Variants in ENOX1 observed in about 807,000 individuals in gnomAD.
The protein encoded by ENOX1 is candidate growth-related and time keeping constitutive hydroquinone (NADH) oxidase.
In ENOX1, 42 loss-of-function variants were observed where a neutral mutation model predicts 82.5. The observed-to-expected ratio is 0.51, with a 90% CI of 0.40 to 0.66. The LOEUF (loss-of-function observed/expected upper bound fraction) is 0.66. ENOX1 is among the 30% of genes least tolerant of loss of function. The pLI is 0.00. For missense variants in ENOX1, 608 were observed against 811.6 expected (o/e 0.75, Z 3.05); for synonymous variants, 271 against 282.2 (o/e 0.96, Z 0.40).
At chr13:43,685,873 AACACACACACACACACACAC>A (rs60259011) in intron 1 of ENOX1, among the ~76,000 whole-genome samples, 2 of 141,422 alleles carry the variant, frequency 1.4e-5, no homozygotes, top group Non-Finnish European at 3.1e-5. Flanking sequence ...CCCAGAAGGA[AACACACACACACACACACAC>A]ACACACACAC....
intron 16 of ENOX1, 31 bp from the exon 17 acceptor site, chr13:43,214,152 G>T: frequency 6.2e-7 from 1 of 1,606,654 alleles, no homozygotes; most frequent in Non-Finnish European, 8.5e-7. Flanking sequence ...TCACTTTGGG[G>T]AAAGGAACTC....
chr13:43,478,069 T>TTG (rs1225711445), intron 3 of ENOX1, among the ~76,000 whole-genome samples: 63 of 150,082 alleles, frequency 4.2e-4, no homozygotes, highest in Non-Finnish European at 7.8e-4. Flanking sequence ...TTTTTTTTTT[T>TTG]TTTTTTTTTT....
chr13:43,431,622 C>G (rs1044278098), intron 3 of ENOX1, among the ~76,000 whole-genome samples: 1 of 152,130 alleles, frequency 6.6e-6, no homozygotes, highest in Non-Finnish European at 1.5e-5. Flanking sequence ...GTGCCTAGTA[C>G]TTAGTAGACA....
At chr13:43,524,782 T>A (rs1466064134) in intron 2 of ENOX1, among the ~76,000 whole-genome samples, 1 of 152,092 alleles carries the variant, frequency 6.6e-6, no homozygotes, top group Non-Finnish European at 1.5e-5. Context: ...CAAAGAGTGC[T>A]TCTACAACTC....
intron 3 of ENOX1, among the ~76,000 whole-genome samples, chr13:43,471,579 G>C (rs1048171259): frequency 2.0e-4 from 31 of 152,142 alleles, no homozygotes; most frequent in Non-Finnish European, 4.3e-4. Context: ...GGGAGGTCAA[G>C]GTGGGAGGAT....
chr13:43,315,337 G>A (rs1017964545), intron 11 of ENOX1, among the ~76,000 whole-genome samples: 1 of 152,196 alleles, frequency 6.6e-6, no homozygotes, highest in Admixed American at 6.5e-5. Flanking sequence ...TCACAGGTGA[G>A]CATTTGACAA....
chr13:43,549,673 A>G (rs2153698827), intron 2 of ENOX1, among the ~76,000 whole-genome samples: 1 of 152,318 alleles, frequency 6.6e-6, no homozygotes, highest in Non-Finnish European at 1.5e-5. Context: ...TAGATTCTAG[A>G]GGATACTCCT....
At chr13:43,551,385 A>T (rs2079189316) in intron 2 of ENOX1, among the ~76,000 whole-genome samples, 1 of 152,168 alleles carries the variant, frequency 6.6e-6, no homozygotes, top group Non-Finnish European at 1.5e-5. Flanking sequence ...TTTGATCACG[A>T]TGTATTATCT....
intron 1 of ENOX1, among the ~76,000 whole-genome samples, chr13:43,740,480 A>AT (rs917715708): frequency 4.7e-5 from 7 of 149,332 alleles, no homozygotes; most frequent in East Asian, 1.9e-4. Context: ...AACATTTTTT[A>AT]TTTTTTTTTA....
At chr13:43,330,920 T>A (rs1216744026) in intron 9 of ENOX1, among the ~76,000 whole-genome samples, 1 of 152,208 alleles carries the variant, frequency 6.6e-6, no homozygotes, top group Non-Finnish European at 1.5e-5. Flanking sequence ...TTTAACAACT[T>A]TTTTTGCACT....
chr13:43,579,168 C>A (rs1367306164), intron 2 of ENOX1, among the ~76,000 whole-genome samples: 1 of 152,026 alleles, frequency 6.6e-6, no homozygotes, highest in Non-Finnish European at 1.5e-5. Context: ...ACTAAGCACA[C>A]ATTAAATGTA....
At chr13:43,321,609 C>G (rs1354217865) in intron 11 of ENOX1, among the ~76,000 whole-genome samples, 1 of 152,236 alleles carries the variant, frequency 6.6e-6, no homozygotes, top group African/African-American at 2.4e-5. Context: ...GTTTTATTCA[C>G]TTATACACAT....
At chr13:43,339,466 C>G (rs998557903) in intron 9 of ENOX1, among the ~76,000 whole-genome samples, 1 of 152,192 alleles carries the variant, frequency 6.6e-6, no homozygotes, top group African/African-American at 2.4e-5. Context: ...ATGCTTTTAC[C>G]ATGCTTTGAA....
chr13:43,590,668 C>T lies in ENOX1; in HGVS notation c.-219+76811G>A, dbSNP rs888351839. Among the ~76,000 whole-genome samples, 9 of 151,020 alleles carry T rather than the reference C, an allele frequency of 6.0e-5. No individual in the cohort carries two copies. In the South Asian group the frequency reaches 1.5e-3, roughly 25 times the overall value. Reference sequence around the variant, plus strand: ...GCACGCGCCTGTAGTCCCAACTACTCGGAAGGCTGAGGCAGGAGAATCACT... The same window carrying T: ...GCACGCGCCTGTAGTCCCAACTACTTGGAAGGCTGAGGCAGGAGAATCACT... On this transcript the variant is annotated intron_variant, in intron 2 of 16. Transcript: ENST00000690772.
At chr13:43,678,887 A>G (rs998001988) in intron 1 of ENOX1, among the ~76,000 whole-genome samples, 6 of 152,198 alleles carry the variant, frequency 3.9e-5, no homozygotes, top group Non-Finnish European at 7.3e-5. Context: ...TGTAAAGTTA[A>G]TGGCCAAACA....
At position 43,342,698 on chromosome 13, in the gene ENOX1, T is replaced by C. The variant is rs74976168; in HGVS notation, c.1036+1840A>G. 3.3e-3 allele frequency among the ~76,000 whole-genome samples: 499 copies of C among 152,334 alleles called. 2 individuals are homozygous for C. The highest frequency in any genetic ancestry group is 0.012 in the African/African-American group (482 of 41,576). ...TGGGGCCTTCAGTGCTGCCTGAGGC[T>C]GGATGCTCAACACAACGTCCAACAT... On this transcript the variant is annotated intron_variant, in intron 9 of 16. Coordinates refer to ENST00000690772, the MANE Select transcript of ENOX1 (RefSeq NM_001347969.2).
chr13:43,262,605 C>T (rs2044140089), intron 14 of ENOX1, among the ~76,000 whole-genome samples: 1 of 151,970 alleles, frequency 6.6e-6, no homozygotes, highest in Non-Finnish European at 1.5e-5. Flanking sequence ...CGGCTCACTG[C>T]AACCTCTGCC....
At chr13:43,678,601 T>C (rs1000936145) in intron 1 of ENOX1, among the ~76,000 whole-genome samples, 2 of 152,190 alleles carry the variant, frequency 1.3e-5, no homozygotes, top group Non-Finnish European at 2.9e-5. Context: ...ATTCCACAGA[T>C]ACAGATTCCA....
chr13:43,485,431 A>AAAATGATGGAGCC (rs1349370098), intron 2 of ENOX1, among the ~76,000 whole-genome samples: 9 of 152,222 alleles, frequency 5.9e-5, no homozygotes, highest in African/African-American at 1.9e-4. Flanking sequence ...GAGAGACTAG[A>AAAATGATGGAGCC]AAATGATGGA....
Sources: allele counts gnomAD v4.1 joint callset (sites outside exome capture counted in the v4.1 genomes callset), GRCh38; gene constraint gnomAD v4.1.1; transcripts MANE v1.5; gene names NCBI Gene and HGNC (gene_info 2026-07-23, HGNC 2026-07-21).